NIBAN2: variants seen among roughly 807,000 people sequenced by gnomAD.
NIBAN2 encodes the protein niban apoptosis regulator 2.
A neutral mutation model predicts 81.8 loss-of-function variants in NIBAN2; 36 were observed. That is an observed-to-expected ratio of 0.44 (90% CI 0.34 to 0.58). NIBAN2 has a LOEUF of 0.58. Ranked by LOEUF, NIBAN2 falls within the 20% of genes least tolerant of loss-of-function variation. NIBAN2 has a pLI of 0.02. For synonymous variants in NIBAN2, 445 were observed against 441.6 expected, an observed-to-expected ratio of 1.01 and a Z score of -0.10; for missense variants, 897 against 1,014.1, an observed-to-expected ratio of 0.88 and a Z score of 1.57.
chr9:127,570,115 C>T (rs948038065), upstream of NIBAN2, among the ~76,000 whole-genome samples: 1 of 152,158 alleles, frequency 6.6e-6, no homozygotes, highest in Admixed American at 6.5e-5. Flanking sequence ...TTGTTGACCC[C>T]TGGTAACTAA....
At chr9:127,565,782 C>CAAA (rs34713108) in intron 1 of NIBAN2, among the ~76,000 whole-genome samples, 9 of 70,842 alleles carry the variant, frequency 1.3e-4, no homozygotes, top group African/African-American at 1.2e-4. Flanking sequence ...GACTCTGTCT[C>CAAA]AAAAAAAAAA....
At chr9:127,511,619 C>T (rs901523825) in intron 8 of NIBAN2, among the ~76,000 whole-genome samples, 1 of 152,148 alleles carries the variant, frequency 6.6e-6, no homozygotes, top group Admixed American at 6.5e-5. Context: ...TGAGATTGGA[C>T]TCTGATCTTT....
At chr9:127,568,329 C>T (rs1170678775) in intron 1 of NIBAN2, among the ~76,000 whole-genome samples, 2 of 152,186 alleles carry the variant, frequency 1.3e-5, no homozygotes, top group Non-Finnish European at 2.9e-5. Context: ...TTCATGGGCG[C>T]GTCCTTCAGG....
intron 8 of NIBAN2, among the ~76,000 whole-genome samples, chr9:127,515,448 G>C (rs1486123927): frequency 1.3e-5 from 2 of 150,970 alleles, no homozygotes; most frequent in Non-Finnish European, 2.9e-5. Flanking sequence ...GTGAACCCGG[G>C]AGGTGGAGCT....
In NIBAN2 at chr9:127,506,964, C is replaced by T. The variant is rs753109201; in HGVS notation, c.2122G>A (p.Asp708Asn). The change falls in exon 14 of 14, where the codon GAC (aspartate) becomes AAC (asparagine). Residue 708 changes from aspartate to asparagine, a missense_variant. Physicochemically the swap from Asp to Asn is conservative, Grantham distance 23 (BLOSUM62 1). Coordinates refer to ENST00000373312, the MANE Select transcript of NIBAN2 (RefSeq NM_022833.4). ...TCGCTGGGCTTGGGGGGCCCAAGGTCCACAGCCTTTCCAGGCAGGAGATGC... is the reference window on the plus strand; with the variant it reads ...TCGCTGGGCTTGGGGGGCCCAAGGTTCACAGCCTTTCCAGGCAGGAGATGC... Reference protein sequence around the residue: ...LQHLLPGKAVDLGPPKPSDQE... With the variant: ...LQHLLPGKAVNLGPPKPSDQE... 5.0e-6 allele frequency: 8 copies of T among 1,604,854 alleles called. No homozygotes were observed. The highest frequency in any genetic ancestry group is 6.8e-6 in the Non-Finnish European group (8 of 1,175,608).
At chr9:127,532,276 A>G (rs1197930220) in intron 1 of NIBAN2, among the ~76,000 whole-genome samples, 1 of 152,190 alleles carries the variant, frequency 6.6e-6, no homozygotes, top group East Asian at 1.9e-4. Flanking sequence ...GATGATCGGT[A>G]TACATTGGTT....
At position 127,545,124 on chromosome 9, in the gene NIBAN2, T is replaced by C. The variant is rs1471622167; in HGVS notation, c.56-13346A>G. 6.6e-6 allele frequency among the ~76,000 whole-genome samples: 1 copy of C among 152,136 alleles called. No individual in the cohort carries two copies. The highest frequency in any genetic ancestry group is 1.9e-4 in the East Asian group (1 of 5,188). ...TCAGCTTCCTCCTCAGCGGAGGAAA[T>C]CTGGCCTCTGGCCTTGGGGTCCCAC... is the stretch of plus-strand genomic sequence containing the variant. On this transcript the variant is annotated intron_variant, in intron 1 of 13. Transcript: ENST00000373312. The surrounding 1 kb of genome is among the most constrained non-coding windows in gnomAD (Gnocchi z 4.7).
intron 8 of NIBAN2, among the ~76,000 whole-genome samples, chr9:127,512,003 G>C (rs767234016): frequency 2.6e-5 from 4 of 152,172 alleles, no homozygotes; most frequent in Non-Finnish European, 5.9e-5. Flanking sequence ...TGGTGTGAAA[G>C]GAAAATATCT....
At chr9:127,542,319 C>T (rs1316630781) in intron 1 of NIBAN2, among the ~76,000 whole-genome samples, 3 of 152,134 alleles carry the variant, frequency 2.0e-5, no homozygotes, top group Non-Finnish European at 4.4e-5. Flanking sequence ...GGGAGCCCTC[C>T]ACCTATTCCC....
In NIBAN2 at chr9:127,567,998, T is replaced by C. The variant is rs553191411; in HGVS notation, c.55+822A>G. On this transcript the variant is annotated intron_variant, in intron 1 of 13. Coordinates refer to ENST00000373312, the MANE Select transcript of NIBAN2 (RefSeq NM_022833.4). ...TCTCAGGCAGCCGAGATCCTCATCC[T>C]ATCTCACTGTTCTCCAGAGTCTGTG... 5.9e-5 allele frequency among the ~76,000 whole-genome samples: 9 copies of C among 152,250 alleles called. No individual in the cohort carries two copies. The South Asian group carries it at 1.0e-3, about 18-fold the overall frequency.
chr9:127,561,300 T>C (rs890209910), intron 1 of NIBAN2: 1 of 985,372 alleles, frequency 1.0e-6, no homozygotes, highest in African/African-American at 1.7e-5. Context: ...TCATGTCAAC[T>C]TCCTGGAGCA....
At chr9:127,529,880 A>G (rs1837146345) in intron 2 of NIBAN2, among the ~76,000 whole-genome samples, 1 of 152,134 alleles carries the variant, frequency 6.6e-6, no homozygotes, top group African/African-American at 2.4e-5. Flanking sequence ...ACTGCTTTTC[A>G]GGGACTGTGG....
At chr9:127,551,080 G>A (rs1837566921) in intron 1 of NIBAN2, among the ~76,000 whole-genome samples, 1 of 152,136 alleles carries the variant, frequency 6.6e-6, no homozygotes, top group South Asian at 2.1e-4. Context: ...AGGGACAGAT[G>A]GAACGGCACT....
rs2132143448 is a variant in NIBAN2 at position 127,505,394 on chromosome 9, T to C, written c.*1451A>G. 6.5e-6 allele frequency: 1 copy of C among 152,704 alleles called. No homozygotes were observed. Among genetic ancestry groups the C allele is most frequent in the East Asian group, 1.9e-4 (1 of 5,174 alleles). The allele number at this position is 152,704 out of a possible 1,614,324, so 9.5% of individuals were successfully genotyped here. ...AGAAGCATGAACAGTGTGCATAATA[T>C]TTTCAATACAATATCAGGGAGGGAT... On this transcript the variant is annotated 3_prime_UTR_variant, in exon 14 of 14. Transcript: ENST00000373312.
chr9:127,544,589 C>T (rs147847420), intron 1 of NIBAN2, among the ~76,000 whole-genome samples: 5,489 of 152,080 alleles, frequency 0.036, 346 homozygotes, highest in African/African-American at 0.12. Context: ...CTGCAATCTC[C>T]GCCTCCCAGG....
At position 127,537,796 on chromosome 9, in the gene NIBAN2, A is replaced by G. The variant is rs367657799; in HGVS notation, c.56-6018T>C. The stretch of plus-strand genomic sequence containing the variant: ...GTATGAACCGAGGCTCAGAACAATT[A>G]AACAGCTCAGGAAAGGCCACTCTGT... On this transcript the variant is annotated intron_variant, in intron 1 of 13. Coordinates refer to ENST00000373312, the MANE Select transcript of NIBAN2 (RefSeq NM_022833.4). Among the ~76,000 whole-genome samples the G allele has an allele frequency of 7.9e-5, 12 of 151,044 alleles. No homozygotes were observed. The South Asian group carries it at 2.5e-3, about 32-fold the overall frequency.
chr9:127,547,695 G>A (rs1837498389), intron 1 of NIBAN2, among the ~76,000 whole-genome samples: 1 of 151,724 alleles, frequency 6.6e-6, no homozygotes, highest in South Asian at 2.1e-4. Flanking sequence ...AAAGTAGCCA[G>A]GTGTGGTGGC....
At chr9:127,568,378 A>G (rs1360611635) in intron 1 of NIBAN2, among the ~76,000 whole-genome samples, 1 of 151,990 alleles carries the variant, frequency 6.6e-6, no homozygotes, top group Admixed American at 6.5e-5. Context: ...GGCCCGGCGG[A>G]GCTGGGGACG....
chr9:127,555,730 C>T (rs1252471388), intron 1 of NIBAN2, among the ~76,000 whole-genome samples: 1 of 152,228 alleles, frequency 6.6e-6, no homozygotes, highest in African/African-American at 2.4e-5. Context: ...GAGCAAACCA[C>T]AGGCACTGCT....
Sources: allele counts gnomAD v4.1 joint callset (sites outside exome capture counted in the v4.1 genomes callset), GRCh38; gene constraint gnomAD v4.1.1; non-coding constraint Gnocchi (gnomAD v3.1); transcripts MANE v1.5; gene names NCBI Gene and HGNC (gene_info 2026-07-23, HGNC 2026-07-21).